Variants in WDR47 observed in about 807,000 individuals in gnomAD.
The protein encoded by WDR47 is WD repeat domain 47.
A neutral mutation model predicts 97.2 loss-of-function variants in WDR47; 32 were observed. The ratio of observed to expected loss-of-function variants is 0.33; its 90% CI spans 0.25 to 0.44. The LOEUF is 0.44. WDR47 is among the 20% of genes least tolerant of loss of function. The pLI is 1.00. For missense variants in WDR47, 782 were observed against 1,102.3 expected (o/e 0.71, Z 4.11); for synonymous variants, 375 against 373.5 (o/e 1.00, Z -0.05).
At chr1:108,979,110 T>C (rs1207560361) in intron 13 of WDR47, among the ~76,000 whole-genome samples, 1 of 152,130 alleles carries the variant, frequency 6.6e-6, no homozygotes, top group African/African-American at 2.4e-5. Context: ...ATTAATGTTA[T>C]CAGAGAGAGG....
At chr1:108,978,311 T>TA (rs1338729939) in intron 13 of WDR47, among the ~76,000 whole-genome samples, 1 of 151,542 alleles carries the variant, frequency 6.6e-6, no homozygotes, top group African/African-American at 2.4e-5. Context: ...CCGTCTCTAC[T>TA]AAAAAATATA....
chr1:108,978,213 C>T (rs1292171318), intron 13 of WDR47, among the ~76,000 whole-genome samples: 5 of 150,798 alleles, frequency 3.3e-5, no homozygotes, highest in South Asian at 4.2e-4. Flanking sequence ...CGGTGGCTCA[C>T]GCCTGTAATC....
intron 7 of WDR47, among the ~76,000 whole-genome samples, chr1:109,001,950 C>T (rs1162994351): frequency 6.6e-6 from 1 of 151,964 alleles, no homozygotes. Flanking sequence ...TCCCCTAGAT[C>T]CGCAGTTACC....
At chr1:109,033,179 A>C (rs1251073425) in intron 1 of WDR47, among the ~76,000 whole-genome samples, 1 of 152,074 alleles carries the variant, frequency 6.6e-6, no homozygotes, top group Non-Finnish European at 1.5e-5. Context: ...CTGTAATCCC[A>C]GGTACTCGGG....
intron 1 of WDR47, among the ~76,000 whole-genome samples, chr1:109,033,706 G>A (rs1466301074): frequency 6.6e-6 from 1 of 152,180 alleles, no homozygotes; most frequent in Non-Finnish European, 1.5e-5. Flanking sequence ...AGATCACAAG[G>A]TCAGGAGATG....
intron 3 of WDR47, among the ~76,000 whole-genome samples, chr1:109,015,232 A>ATATC (rs1294396298): frequency 6.6e-6 from 1 of 152,220 alleles, no homozygotes; most frequent in Non-Finnish European, 1.5e-5. Context: ...TGATAGTGAT[A>ATATC]GAGTAACTTA....
In WDR47 at chr1:108,970,325, G is replaced by A. The variant is rs1283260965; in HGVS notation, c.*1105C>T. On this transcript the variant is annotated 3_prime_UTR_variant, in exon 15 of 15. Coordinates refer to ENST00000369962, the MANE Select transcript of WDR47 (RefSeq NM_001142551.2). ...GCTTGCTACATACAGTGCACAGACA[G>A]TTCAATAATGAGAACTAATACAACT... 1 of 152,430 alleles carries A rather than the reference G, an allele frequency of 6.6e-6. No homozygotes were observed. Among genetic ancestry groups the A allele is most frequent in the African/African-American group, 2.4e-5 (1 of 41,384 alleles). The allele number at this position is 152,430 out of a possible 1,614,324, so 9.4% of individuals were successfully genotyped here.
At chr1:109,040,346 T>G (rs1571276669) in intron 1 of WDR47, among the ~76,000 whole-genome samples, 1 of 152,150 alleles carries the variant, frequency 6.6e-6, no homozygotes, top group Admixed American at 6.6e-5. Flanking sequence ...ACTAATATAT[T>G]CTATTTCACA....
chr1:109,002,159 G>C, intron 7 of WDR47, 65 bp downstream of exon 7: 2 of 1,446,710 alleles, frequency 1.4e-6, no homozygotes, highest in Non-Finnish European at 1.8e-6. Context: ...GAAAGTAGCA[G>C]TTATTGCATG....
At chr1:108,986,498 G>A in intron 10 of WDR47, 25 bp downstream of exon 10, 1 of 1,575,446 alleles carries the variant, frequency 6.3e-7, no homozygotes, top group South Asian at 1.2e-5. Context: ...AGGTAAGAAT[G>A]GCAGCACAAA....
chr1:109,018,259 C>G (rs28422126), intron 2 of WDR47, among the ~76,000 whole-genome samples: 149,167 of 151,550 alleles, frequency 0.98, 73,465 homozygotes, highest in Middle Eastern at 1. Flanking sequence ...GACCACCCTG[C>G]CCAACATGGC....
chr1:108,977,713 G>A (rs1351434885), intron 13 of WDR47, among the ~76,000 whole-genome samples: 3 of 152,146 alleles, frequency 2.0e-5, no homozygotes, highest in Admixed American at 6.5e-5. Flanking sequence ...TGAGCTGGGC[G>A]TGGTGGTGCC....
chr1:108,990,356 G>A (rs1442195699), intron 9 of WDR47, among the ~76,000 whole-genome samples: 3 of 151,990 alleles, frequency 2.0e-5, no homozygotes. Context: ...TTACAGGCGT[G>A]AACCACTATG....
intron 1 of WDR47, among the ~76,000 whole-genome samples, chr1:109,034,458 A>C (rs1218604670): frequency 3.3e-5 from 5 of 152,212 alleles, no homozygotes; most frequent in Admixed American, 3.3e-4. Context: ...AATTATGGTA[A>C]ATTCATACTA....
chr1:109,033,074 T>C (rs1662709664), intron 1 of WDR47, among the ~76,000 whole-genome samples: 1 of 150,732 alleles, frequency 6.6e-6, no homozygotes, highest in African/African-American at 2.4e-5. Flanking sequence ...GGCAGGTGGA[T>C]CATGAGGTCA....
chr1:109,020,498 G>A (rs930674342), intron 2 of WDR47, among the ~76,000 whole-genome samples: 2 of 151,990 alleles, frequency 1.3e-5, no homozygotes, highest in African/African-American at 2.4e-5. Context: ...TCCTGACCTC[G>A]TGATCCACCC....
chr1:109,011,755 A>T, intron 4 of WDR47, 37 bp from the exon 5 acceptor site: 1 of 1,522,138 alleles, frequency 6.6e-7, no homozygotes, highest in Non-Finnish European at 8.8e-7. Flanking sequence ...TAATCACTAT[A>T]AAAAACATGC....
chr1:108,975,918 G>C (rs1657853444), intron 13 of WDR47, among the ~76,000 whole-genome samples: 1 of 152,162 alleles, frequency 6.6e-6, no homozygotes, highest in South Asian at 2.1e-4. Context: ...AAAAGGTTTA[G>C]AGGAAAAGTA....
intron 10 of WDR47, among the ~76,000 whole-genome samples, chr1:108,983,905 T>G (rs1171427835): frequency 1.3e-5 from 2 of 152,166 alleles, no homozygotes; most frequent in Non-Finnish European, 2.9e-5. Flanking sequence ...CTGGTACAGG[T>G]AGATATTGTC....
Sources: allele counts gnomAD v4.1 joint callset (sites outside exome capture counted in the v4.1 genomes callset), GRCh38; gene constraint gnomAD v4.1.1; transcripts MANE v1.5; gene names NCBI Gene and HGNC (gene_info 2026-07-23, HGNC 2026-07-21).